Variants in BDNF observed in about 807,000 individuals in gnomAD.
BDNF encodes the protein neurotrophic factor BDNF precursor form.
In BDNF, 1 loss-of-function variant was observed where a neutral mutation model predicts 19.5. The observed-to-expected ratio is 0.05, with a 90% CI of 0.02 to 0.24. The LOEUF is 0.24. BDNF is among the 10% of genes least tolerant of loss of function. The pLI is 1.00. For synonymous variants in BDNF, 100 were observed against 121.6 expected, an observed-to-expected ratio of 0.82 and a Z score of 1.17; for missense variants, 195 against 317.6, an observed-to-expected ratio of 0.61 and a Z score of 2.93.
chr11:27,720,777 A>T, intron 1 of BDNF: 1 of 986,740 alleles, frequency 1.0e-6, no homozygotes, highest in Non-Finnish European at 1.2e-6. Context: ...GATACTTGAT[A>T]TTGCTCTAGA....
At chr11:27,701,997 G>T (rs1411568405), upstream of BDNF, among the ~76,000 whole-genome samples, 1 of 106,298 alleles carries the variant, frequency 9.4e-6, no homozygotes, top group East Asian at 2.9e-4. Flanking sequence ...CGCAGCAAAA[G>T]AGCAAATAGC....
chr11:27,719,569 C>T, intron 1 of BDNF: 4 of 985,230 alleles, frequency 4.1e-6, no homozygotes, highest in Non-Finnish European at 4.8e-6. Flanking sequence ...CGGCAGCTCC[C>T]CTTCCCTTGA....
chr11:27,711,293 T>G (rs1233995605), intron 1 of BDNF, among the ~76,000 whole-genome samples: 1 of 152,218 alleles, frequency 6.6e-6, no homozygotes, highest in Non-Finnish European at 1.5e-5. Context: ...CAAAGTTAGA[T>G]TTTATTATTA....
At chr11:27,669,749 A>T (rs530361765) in intron 1 of BDNF, among the ~76,000 whole-genome samples, 3 of 152,336 alleles carry the variant, frequency 2.0e-5, no homozygotes, top group African/African-American at 7.2e-5. Context: ...TGCTCAAGGA[A>T]ATAAAAGAGG....
chr11:27,692,177 G>C (rs994761729), intron 1 of BDNF, among the ~76,000 whole-genome samples: 2 of 152,138 alleles, frequency 1.3e-5, no homozygotes, highest in Non-Finnish European at 2.9e-5. Flanking sequence ...ATATATAACT[G>C]TTCTCATTAG....
intron 1 of BDNF, among the ~76,000 whole-genome samples, chr11:27,672,991 A>T (rs1855599543): frequency 1.3e-5 from 2 of 152,008 alleles, no homozygotes; most frequent in African/African-American, 2.4e-5. Flanking sequence ...CACACTAGGA[A>T]CCCTAATAGT....
intron 1 of BDNF, chr11:27,719,504 C>G (rs1327537789): frequency 1.0e-6 from 1 of 985,466 alleles, no homozygotes; most frequent in African/African-American, 1.7e-5. Flanking sequence ...CCCCGACTGA[C>G]TCGGACCTGG....
upstream of BDNF, chr11:27,701,654 C>A (rs1190307972): frequency 2.0e-6 from 2 of 984,548 alleles, no homozygotes; most frequent in Non-Finnish European, 2.4e-6. Context: ...GAGAGGGCTC[C>A]ACGGTGCCTT....
chr11:27,697,582 T>G (rs962477403), intron 1 of BDNF: 2 of 152,202 alleles, frequency 1.3e-5, no homozygotes, highest in Non-Finnish European at 2.9e-5. Context: ...ATAGTATAAA[T>G]GAATCATTTG....
At chr11:27,706,412 G>A (rs1169323953) in intron 1 of BDNF, among the ~76,000 whole-genome samples, 2 of 152,158 alleles carry the variant, frequency 1.3e-5, no homozygotes, top group African/African-American at 4.8e-5. Flanking sequence ...AGCAATGCTG[G>A]TGCTTGGAAG....
Position 27,720,115 on chromosome 11 carries a change from C to T in BDNF, c.3+1297G>A, listed in dbSNP as rs1860691494. Among the ~76,000 whole-genome samples the T allele has an allele frequency of 2.6e-5, 4 of 152,182 alleles. No individual in the cohort carries two copies. In the South Asian group the frequency reaches 8.3e-4, roughly 32 times the overall value. ...CATTTGAATCAGACATTTGCAGGTC[C>T]AAGTTAACTAAACTCATTATATCCG... On this transcript the variant is annotated intron_variant, in intron 1 of 1. Transcript: ENST00000314915.
chr11:27,664,604 C>A (rs961066848), intron 1 of BDNF, among the ~76,000 whole-genome samples: 10 of 152,020 alleles, frequency 6.6e-5, no homozygotes, highest in Non-Finnish European at 7.4e-5. Context: ...CACAGTGAGA[C>A]CATGTCTCTA....
chr11:27,674,010 G>A, intron 1 of BDNF: 1 of 1,486,434 alleles, frequency 6.7e-7, no homozygotes, highest in African/African-American at 1.4e-5. Context: ...AGAAATCTTG[G>A]GGGAAAGATA....
rs531999186 is a variant in BDNF at position 27,655,584 on chromosome 11, GTCTT to G, written c.*2233_*2236del. 58 of 152,334 alleles carry G rather than the reference GTCTT, an allele frequency of 3.8e-4. No individual in the cohort carries two copies. The highest frequency in any genetic ancestry group is 1.3e-3 in the African/African-American group (53 of 41,572). The allele number at this position is 152,334 out of a possible 1,614,324, so 9.4% of individuals were successfully genotyped here. ...ACAAAACAAATCTACACTACGTAAAGTCTTCCTTCTTTCAAAGAGGTATTCAGAT... is the reference window on the plus strand; with the variant it reads ...ACAAAACAAATCTACACTACGTAAAGCCTTCTTTCAAAGAGGTATTCAGAT... On this transcript the variant is annotated 3_prime_UTR_variant, in exon 2 of 2. Transcript: ENST00000356660.
In BDNF at chr11:27,699,742, C is replaced by G. The variant is rs555627990; in HGVS notation, c.-22+422G>C. 1.6e-4 allele frequency: 211 copies of G among 1,324,142 alleles called. No individual in the cohort carries two copies. In the African/African-American group the frequency reaches 2.9e-3, roughly 18 times the overall value. 82.0% of individuals were successfully genotyped at this position (1,324,142 alleles called of 1,614,324 possible). ...TCCCCCCGCAAGTCGGCGCGGGGACCACCCACCCCCTGGAAGGATTCCTAG... is the reference window on the plus strand; with the variant it reads ...TCCCCCCGCAAGTCGGCGCGGGGACGACCCACCCCCTGGAAGGATTCCTAG... On this transcript the variant is annotated intron_variant, in intron 1 of 1. Coordinates refer to ENST00000356660, the MANE Select transcript of BDNF (RefSeq NM_001709.5).
chr11:27,666,353 A>C (rs754853407), intron 1 of BDNF, among the ~76,000 whole-genome samples: 4 of 152,236 alleles, frequency 2.6e-5, no homozygotes, highest in African/African-American at 7.2e-5. Context: ...TCTAAAAATC[A>C]GAGCACGTCT....
intron 1 of BDNF, among the ~76,000 whole-genome samples, chr11:27,692,083 C>A (rs1858373359): frequency 6.6e-6 from 1 of 152,058 alleles, no homozygotes; most frequent in Non-Finnish European, 1.5e-5. Context: ...AAGTAAAATA[C>A]AGCGCTTTGC....
At chr11:27,680,003 G>A (rs948074429) in intron 1 of BDNF, among the ~76,000 whole-genome samples, 5 of 152,216 alleles carry the variant, frequency 3.3e-5, no homozygotes, top group East Asian at 3.8e-4. Flanking sequence ...TTTCTGTGGC[G>A]AGGTTATTTA....
Position 27,657,449 on chromosome 11 carries a change from TTGTGTG to T in BDNF, c.*366_*371del. ...CGGAATGTTTTGGTTCAAATTTTTG[TTGTGTG>T]TGTGTGTGTTTTTTTTCTGTTTTCT... On this transcript the variant is annotated 3_prime_UTR_variant, in exon 2 of 2. Transcript: ENST00000356660. This position sits in a 1 kb window ranked among gnomAD's most constrained non-coding sequence, Gnocchi z 5.0. 1 of 1,005,878 alleles carries T rather than the reference TTGTGTG, an allele frequency of 9.9e-7. No individual in the cohort carries two copies. The highest frequency in any genetic ancestry group is 1.2e-6 in the Non-Finnish European group (1 of 845,110). 62.3% of individuals were successfully genotyped at this position (1,005,878 alleles called of 1,614,324 possible).
Sources: gnomAD v4.1 joint callset for allele counts (sites outside exome capture counted in the v4.1 genomes callset) on GRCh38, gnomAD v4.1.1 for gene constraint, Gnocchi (gnomAD v3.1) non-coding constraint, MANE v1.5 for transcripts, NCBI Gene and HGNC (gene_info 2026-07-23, HGNC 2026-07-21) for gene names.